Variants in CSMD1 observed in about 807,000 individuals in gnomAD.
CSMD1 encodes the protein CUB and Sushi multiple domains 1.
CSMD1 carries 213 observed loss-of-function variants against 417.5 expected under a neutral mutation model. The ratio of observed to expected loss-of-function variants is 0.51; its 90% confidence interval spans 0.46 to 0.57. CSMD1 has a LOEUF of 0.57. CSMD1 is among the 20% of genes least tolerant of loss of function. The probability of loss-of-function intolerance (pLI) is 0.00; values close to 1 mark genes in which losing one functional copy is unlikely to be tolerated. For synonymous variants in CSMD1, 2,862 were observed against 1,736.8 expected (o/e 1.65, Z -16.11); for missense variants, 6,923 against 4,529.7 (o/e 1.53, Z -15.17).
intron 3 of CSMD1, among the ~76,000 whole-genome samples, chr8:4,152,794 G>C (rs1029579612): frequency 6.6e-6 from 1 of 152,094 alleles, no homozygotes; most frequent in Non-Finnish European, 1.5e-5. Context: ...ATTTTTATGG[G>C]AATATACACA....
At chr8:3,613,521 C>G (rs949107498) in intron 8 of CSMD1, among the ~76,000 whole-genome samples, 3 of 151,776 alleles carry the variant, frequency 2.0e-5, no homozygotes, top group African/African-American at 4.8e-5. Flanking sequence ...TTTAACAAGT[C>G]AAATTCAACA....
chr8:3,859,694 A>C (rs1804563436), intron 5 of CSMD1, among the ~76,000 whole-genome samples: 2 of 152,152 alleles, frequency 1.3e-5, no homozygotes, highest in Non-Finnish European at 2.9e-5. Flanking sequence ...AGTCGTGCCT[A>C]CATAGTGAAG....
At chr8:3,520,906 A>G (rs1797480806) in intron 10 of CSMD1, among the ~76,000 whole-genome samples, 1 of 152,076 alleles carries the variant, frequency 6.6e-6, no homozygotes, top group Non-Finnish European at 1.5e-5. Flanking sequence ...CCTCCTGGTC[A>G]CTGAGCTTCA....
At chr8:3,417,227 A>C (rs965049762) in intron 12 of CSMD1, among the ~76,000 whole-genome samples, 3 of 152,204 alleles carry the variant, frequency 2.0e-5, no homozygotes, top group Non-Finnish European at 4.4e-5. Context: ...TGTTCCATAA[A>C]TAAGAGGGAC....
At chr8:4,829,162 T>C (rs1195671223) in intron 1 of CSMD1, among the ~76,000 whole-genome samples, 2 of 152,208 alleles carry the variant, frequency 1.3e-5, no homozygotes, top group Non-Finnish European at 1.5e-5. Context: ...CTGTTGCAAT[T>C]CCACAGCCAA....
In CSMD1 at chr8:3,826,618, G is replaced by A. The variant is rs1229269664; in HGVS notation, c.819-72576C>T. ...CCAGCTTTCCTCTCAGTCCCGTTCT[G>A]CTGAGTATTACATCTGGATTCTCTG... On this transcript the variant is annotated intron_variant, in intron 5 of 69. Transcript: ENST00000635120. Among the ~76,000 whole-genome samples, 14 of 152,120 alleles carry A rather than the reference G, an allele frequency of 9.2e-5. 1 individual carries two copies. Among genetic ancestry groups the A allele is most frequent in the Non-Finnish European group, 2.1e-4 (14 of 68,032 alleles).
At chr8:3,171,928 T>C (rs1458777532) in intron 37 of CSMD1, among the ~76,000 whole-genome samples, 1 of 152,228 alleles carries the variant, frequency 6.6e-6, no homozygotes, top group Non-Finnish European at 1.5e-5. Context: ...AGAAACCCAC[T>C]GTGACTCAAC....
intron 5 of CSMD1, among the ~76,000 whole-genome samples, chr8:3,795,121 T>G (rs1449775865): frequency 1.0e-5 from 1 of 96,580 alleles, no homozygotes; most frequent in Non-Finnish European, 2.2e-5. Context: ...TATAGATATC[T>G]ATCATGTACA....
At chr8:4,890,104 G>C (rs1423954082) in intron 1 of CSMD1, among the ~76,000 whole-genome samples, 1 of 152,068 alleles carries the variant, frequency 6.6e-6, no homozygotes, top group Non-Finnish European at 1.5e-5. Context: ...TTCTAAGAAA[G>C]AAAACTATTT....
intron 5 of CSMD1, among the ~76,000 whole-genome samples, chr8:3,854,744 G>T (rs1385257153): frequency 1.6e-5 from 2 of 126,634 alleles, no homozygotes; most frequent in Non-Finnish European, 3.2e-5. Flanking sequence ...CTCCAGAGGG[G>T]GTAAAAAAGA....
chr8:4,205,643 C>G (rs919858334), intron 3 of CSMD1, among the ~76,000 whole-genome samples: 6 of 152,128 alleles, frequency 3.9e-5, no homozygotes, highest in Non-Finnish European at 5.9e-5. Flanking sequence ...GTGAGAAAGC[C>G]TCTCATTGTA....
rs77925155 is a variant in CSMD1 at position 4,764,671 on chromosome 8, C to T, written c.86-127113G>A. 6.4e-5 allele frequency among the ~76,000 whole-genome samples: 9 copies of T among 139,894 alleles called. No homozygotes were observed. The East Asian group carries it at 1.7e-3, about 27-fold the overall frequency. 91.8% of individuals were successfully genotyped at this position (139,894 alleles called of 152,430 possible). On this transcript the variant is annotated intron_variant, in intron 1 of 69. Coordinates refer to ENST00000635120, the MANE Select transcript of CSMD1 (RefSeq NM_033225.6). ...GGTGTTCTTAACCCACTTTTCAAAA[C>T]ATAAAAATTTGTTAAAAAAAAAAAA...
chr8:3,321,481 T>C (rs1456713306), intron 23 of CSMD1, among the ~76,000 whole-genome samples: 1 of 152,124 alleles, frequency 6.6e-6, no homozygotes, highest in South Asian at 2.1e-4. Flanking sequence ...AAGTAGGCAA[T>C]GACAGGTGCT....
rs558372039 is a variant in CSMD1 at position 4,483,981 on chromosome 8, G to A, written c.303-63916C>T. Among the ~76,000 whole-genome samples the A allele has an allele frequency of 2.2e-4, 33 of 152,226 alleles. No homozygotes were observed. In the South Asian group the frequency reaches 6.6e-3, roughly 31 times the overall value. On this transcript the variant is annotated intron_variant, in intron 2 of 69. Coordinates refer to ENST00000635120, the MANE Select transcript of CSMD1 (RefSeq NM_033225.6). ...TGACAGTCCTGCGTTTTCGGAGAGA[G>A]CACAGCCCTGGGAGAAACATCCCAT... is the stretch of plus-strand genomic sequence containing the variant.
At chr8:4,120,197 C>G (rs990707209) in intron 3 of CSMD1, among the ~76,000 whole-genome samples, 2 of 151,962 alleles carry the variant, frequency 1.3e-5, no homozygotes, top group African/African-American at 2.4e-5. Context: ...TGTGTATCCA[C>G]AAAATTTAAA....
chr8:4,220,507 A>C (rs1800962649), intron 3 of CSMD1, among the ~76,000 whole-genome samples: 1 of 149,262 alleles, frequency 6.7e-6, no homozygotes. Flanking sequence ...AGAAATATCT[A>C]ATCCTAGTGC....
intron 2 of CSMD1, among the ~76,000 whole-genome samples, chr8:4,431,021 A>G (rs1585063047): frequency 6.6e-6 from 1 of 152,292 alleles, no homozygotes; most frequent in South Asian, 2.1e-4. Flanking sequence ...GACTTCGCAT[A>G]AGACCTGTGC....
chr8:3,305,153 G>A (rs1584964141), intron 25 of CSMD1, among the ~76,000 whole-genome samples: 2 of 152,212 alleles, frequency 1.3e-5, no homozygotes, highest in Middle Eastern at 6.8e-3. Context: ...AGAAAGTGCT[G>A]GGATGACAGG....
intron 5 of CSMD1, among the ~76,000 whole-genome samples, chr8:3,757,324 T>A (rs183530112): frequency 1.2e-4 from 18 of 152,312 alleles, no homozygotes; most frequent in Admixed American, 1.2e-3. Flanking sequence ...TTGTTGGAAA[T>A]TGTTCAACTT....
Sources: allele counts gnomAD v4.1 joint callset (sites outside exome capture counted in the v4.1 genomes callset), GRCh38; gene constraint gnomAD v4.1.1; transcripts MANE v1.5; gene names NCBI Gene and HGNC (gene_info 2026-07-23, HGNC 2026-07-21).